The following FEZ2 variants were observed in gnomAD, a reference collection of about 807,000 sequenced individuals.
FEZ2 encodes the protein fasciculation and elongation protein zeta-2.
A neutral mutation model predicts 40.4 loss-of-function variants in FEZ2; 51 were observed. The ratio of observed to expected loss-of-function variants is 1.26; its 90% CI spans 1.01 to 1.59. FEZ2 has a LOEUF of 1.59. Ranked by LOEUF, FEZ2 falls within the 40% of genes most tolerant of loss-of-function variation. FEZ2 has a pLI of 0.00. For synonymous variants in FEZ2, 242 were observed against 172.0 expected (o/e 1.41, Z -3.18); for missense variants, 640 against 438.3 (o/e 1.46, Z -4.11).
chr2:36,560,819 C>G, intron 5 of FEZ2: 1 of 1,611,336 alleles, frequency 6.2e-7, no homozygotes, highest in Non-Finnish European at 8.5e-7. Context: ...AAAGGTGTGG[C>G]GGAGGCCATT....
intron 7 of FEZ2, chr2:36,554,085 C>A: frequency 2.7e-6 from 1 of 373,854 alleles, no homozygotes; most frequent in Non-Finnish European, 5.5e-6. Context: ...CCAGTCCTCA[C>A]AATACAAAGC....
intron 4 of FEZ2, 198 bp from the exon 5 acceptor site, chr2:36,579,063 A>G: frequency 1.9e-6 from 1 of 528,888 alleles, no homozygotes; most frequent in East Asian, 3.0e-5. Context: ...ATCTGAGTAG[A>G]GGTAAGTGGG....
At position 36,597,078 on chromosome 2, in the gene FEZ2, T is replaced by A. The variant is rs1338624086; in HGVS notation, c.266+799A>T. ...ATGCCTTGGTCTCCCCACCAGACCA[T>A]GCGATCGTTACCATCAGTAAGCAGG... On this transcript the variant is annotated intron_variant, in intron 1 of 7. Transcript: ENST00000405912. Among the ~76,000 whole-genome samples, 6 of 152,080 alleles carry A rather than the reference T, an allele frequency of 3.9e-5. No individual in the cohort carries two copies. The South Asian group carries it at 1.2e-3, about 32-fold the overall frequency.
At chr2:36,560,333 A>G (rs995187639) in intron 5 of FEZ2, among the ~76,000 whole-genome samples, 1 of 152,212 alleles carries the variant, frequency 6.6e-6, no homozygotes, top group African/African-American at 2.4e-5. Context: ...AGGAGGTAAG[A>G]TACACTCTAT....
intron 3 of FEZ2, among the ~76,000 whole-genome samples, chr2:36,582,271 A>G (rs138090424): frequency 9.8e-5 from 15 of 152,312 alleles, no homozygotes; most frequent in African/African-American, 1.7e-4. Flanking sequence ...GTAAGACATC[A>G]TGAGCATATT....
At chr2:36,596,753 C>T (rs1414429997) in intron 1 of FEZ2, among the ~76,000 whole-genome samples, 1 of 152,172 alleles carries the variant, frequency 6.6e-6, no homozygotes, top group Non-Finnish European at 1.5e-5. Context: ...CAGGTGTGAG[C>T]CACCGCGCCC....
At chr2:36,556,689 G>C (rs1044721633) in intron 6 of FEZ2, 1 of 152,158 alleles carries the variant, frequency 6.6e-6, no homozygotes, top group African/African-American at 2.4e-5. Context: ...TAATCTCAAA[G>C]GTTTGTTATG....
intron 5 of FEZ2, among the ~76,000 whole-genome samples, chr2:36,566,733 C>T (rs1668251455): frequency 6.6e-6 from 1 of 152,134 alleles, no homozygotes; most frequent in Non-Finnish European, 1.5e-5. Context: ...AATTAGAAAT[C>T]GAAGATCTGG....
At chr2:36,574,933 C>T (rs541871432) in intron 5 of FEZ2, among the ~76,000 whole-genome samples, 70 of 152,218 alleles carry the variant, frequency 4.6e-4, no homozygotes, top group African/African-American at 1.6e-3. Flanking sequence ...CCTCTTCAAA[C>T]GGAGAATTGG....
intron 7 of FEZ2, among the ~76,000 whole-genome samples, chr2:36,553,565 AC>A (rs1667877920): frequency 6.6e-6 from 1 of 152,166 alleles, no homozygotes; most frequent in African/African-American, 2.4e-5. Context: ...AGCCACGCGT[AC>A]ATTACTTCAG....
intron 5 of FEZ2, among the ~76,000 whole-genome samples, chr2:36,559,951 T>C (rs1462017121): frequency 6.6e-6 from 1 of 152,226 alleles, no homozygotes; most frequent in Middle Eastern, 3.2e-3. Flanking sequence ...GAGAAACACT[T>C]AACTACCTGC....
At chr2:36,571,193 G>C (rs1668399595) in intron 5 of FEZ2, among the ~76,000 whole-genome samples, 1 of 152,042 alleles carries the variant, frequency 6.6e-6, no homozygotes, top group Non-Finnish European at 1.5e-5. Flanking sequence ...TCATAGGTTT[G>C]AATTATTAAA....
At position 36,589,173 on chromosome 2, in the gene FEZ2, C is replaced by T. The variant is rs138155380; in HGVS notation, c.375+1730G>A. On this transcript the variant is annotated intron_variant, in intron 2 of 7. Transcript: ENST00000405912. ...TATAAAGACAAATACAAATACCTGCCGGGAAGTCACAATCTAGTGACAGAC... is the reference window on the plus strand; with the variant it reads ...TATAAAGACAAATACAAATACCTGCTGGGAAGTCACAATCTAGTGACAGAC... Among the ~76,000 whole-genome samples, 366 of 152,222 alleles carry T rather than the reference C, an allele frequency of 2.4e-3. 2 individuals are homozygous for T. Among genetic ancestry groups the T allele is most frequent in the African/African-American group, 7.3e-3 (302 of 41,518 alleles).
At chr2:36,564,835 G>C (rs1339600578) in intron 5 of FEZ2, among the ~76,000 whole-genome samples, 1 of 152,196 alleles carries the variant, frequency 6.6e-6, no homozygotes, top group Non-Finnish European at 1.5e-5. Context: ...ATGGAACACA[G>C]CATCTATGGA....
At chr2:36,579,342 G>T (rs1372290459) in intron 4 of FEZ2, among the ~76,000 whole-genome samples, 1 of 152,206 alleles carries the variant, frequency 6.6e-6, no homozygotes, top group Non-Finnish European at 1.5e-5. Flanking sequence ...CATAAGTCCT[G>T]ATCTGTGAAT....
At chr2:36,588,242 G>C (rs1299360717) in intron 2 of FEZ2, among the ~76,000 whole-genome samples, 1 of 151,978 alleles carries the variant, frequency 6.6e-6, no homozygotes, top group African/African-American at 2.4e-5. Flanking sequence ...TGGTAAGGCT[G>C]GTCTCAAACT....
At chr2:36,553,373 G>T (rs770214077) in intron 7 of FEZ2, among the ~76,000 whole-genome samples, 194 bp from the exon 8 acceptor site, 1 of 152,138 alleles carries the variant, frequency 6.6e-6, no homozygotes, top group South Asian at 2.1e-4. Flanking sequence ...ACACACATTA[G>T]AATTTCCCAG....
rs762917944 is a variant in FEZ2, at chr2:36,581,316, CTCT to C, written c.605_607del (p.Lys202del). 6.2e-7 allele frequency: 1 copy of C among 1,613,848 alleles called. No individual in the cohort carries two copies. Among genetic ancestry groups the C allele is most frequent in the South Asian group, 1.1e-5 (1 of 91,078 alleles). ...CTCTTCATAACTGCCGGTACTAGAC[CTCT>C]TGAGAGTTTGAATTTCCTGGGAAAG... On this transcript the variant is annotated inframe_deletion, in exon 4 of 8. Coordinates refer to ENST00000405912, the MANE Select transcript of FEZ2 (RefSeq NM_005102.3).
chr2:36,582,136 AT>A (rs1668767517), intron 3 of FEZ2, among the ~76,000 whole-genome samples: 1 of 152,152 alleles, frequency 6.6e-6, no homozygotes, highest in Admixed American at 6.5e-5. Flanking sequence ...CCTTTTCCAG[AT>A]TCTAAAAGTT....
Sources: allele counts gnomAD v4.1 joint callset (sites outside exome capture counted in the v4.1 genomes callset), GRCh38; gene constraint gnomAD v4.1.1; transcripts MANE v1.5; gene names NCBI Gene and HGNC (gene_info 2026-07-23, HGNC 2026-07-21).